The following PCMTD1 variants were observed in gnomAD, a reference collection of about 807,000 sequenced individuals.
The protein encoded by PCMTD1 is protein-L-isoaspartate O-methyltransferase domain-containing protein 1.
Under a neutral mutation model 37.6 loss-of-function variants are expected in PCMTD1, and 12 were observed. The observed-to-expected ratio is 0.32, with a 90% confidence interval of 0.20 to 0.52. The LOEUF (loss-of-function observed/expected upper bound fraction) is 0.52. Among genes scored for constraint, PCMTD1 ranks in the 20% least tolerant of loss-of-function variants. The probability of loss-of-function intolerance (pLI) is 0.97; values close to 1 mark genes in which losing one functional copy is unlikely to be tolerated. For missense variants in PCMTD1, 235 were observed against 421.3 expected (o/e 0.56, Z 3.87); for synonymous variants, 117 against 135.8 (o/e 0.86, Z 0.96).
At chr8:51,878,877 C>G (rs994628914) in intron 1 of PCMTD1, among the ~76,000 whole-genome samples, 1 of 152,192 alleles carries the variant, frequency 6.6e-6, no homozygotes, top group Non-Finnish European at 1.5e-5. Flanking sequence ...ATAATCCCAG[C>G]ACTTTGGGAG....
chr8:51,880,536 C>G (rs767498236), intron 1 of PCMTD1, among the ~76,000 whole-genome samples: 4 of 152,136 alleles, frequency 2.6e-5, no homozygotes, highest in Non-Finnish European at 5.9e-5. Flanking sequence ...TTCTCTACTC[C>G]CCAACTCATA....
rs1172825281 is a variant in PCMTD1, at chr8:51,878,743, T to C, written c.-95-17497A>G. Among the ~76,000 whole-genome samples, 4 of 152,310 alleles carry C rather than the reference T, an allele frequency of 2.6e-5. No homozygotes were observed. The East Asian group carries it at 7.7e-4, about 29-fold the overall frequency. On this transcript the variant is annotated intron_variant, in intron 1 of 5. Transcript: ENST00000522514. ...CAGCCTGGATGATAGAGTGAAACCC[T>C]GTCTCAAAAACAAATAAAGCCTAAG...
Position 51,867,338 on chromosome 8 carries a change from G to C in PCMTD1, c.-95-6092C>G, listed in dbSNP as rs1035722290. Among the ~76,000 whole-genome samples the C allele has an allele frequency of 7.2e-5, 11 of 152,026 alleles. No homozygotes were observed. In the East Asian group the frequency reaches 1.4e-3, roughly 19 times the overall value. On this transcript the variant is annotated intron_variant, in intron 1 of 5. Transcript: ENST00000522514. ...TGATCCAGTCAGTAATCCCACTTCT[G>C]AGTCTATATCCAAAAAGATTGAAAT...
intron 1 of PCMTD1, among the ~76,000 whole-genome samples, chr8:51,884,159 T>C (rs1056629808): frequency 5.9e-5 from 9 of 152,144 alleles, no homozygotes; most frequent in Non-Finnish European, 1.3e-4. Flanking sequence ...TCAGTTGAGA[T>C]TGAGACAGTG....
chr8:51,882,871 T>C (rs182815913), intron 1 of PCMTD1, among the ~76,000 whole-genome samples: 160 of 147,530 alleles, frequency 1.1e-3, no homozygotes, highest in African/African-American at 3.5e-3. Flanking sequence ...CTCACACCTA[T>C]AATCCCAGCA....
intron 1 of PCMTD1, among the ~76,000 whole-genome samples, chr8:51,890,333 T>A (rs1376157255): frequency 6.6e-6 from 1 of 152,240 alleles, no homozygotes; most frequent in East Asian, 1.9e-4. Context: ...AGGCTTTTCC[T>A]TGAAACTAAA....
chr8:51,831,054 T>C (rs867952849), intron 5 of PCMTD1, among the ~76,000 whole-genome samples: 3 of 151,854 alleles, frequency 2.0e-5, no homozygotes, highest in Non-Finnish European at 4.4e-5. Flanking sequence ...TCCCAGCACT[T>C]TGGGAGGCTG....
chr8:51,827,100 T>G, intron 5 of PCMTD1: 1 of 1,000,992 alleles, frequency 1.0e-6, no homozygotes, highest in Non-Finnish European at 1.2e-6. Flanking sequence ...TTAACTTACT[T>G]CTACACACCC....
chr8:51,879,546 CTA>C (rs1017000880), intron 1 of PCMTD1, among the ~76,000 whole-genome samples: 6 of 152,190 alleles, frequency 3.9e-5, no homozygotes, highest in African/African-American at 7.2e-5. Flanking sequence ...GAAAATGAAA[CTA>C]TGTGAAAACT....
At chr8:51,837,641 T>C (rs75990306) in intron 3 of PCMTD1, among the ~76,000 whole-genome samples, 17,881 of 152,148 alleles carry the variant, frequency 0.12, 1,284 homozygotes, top group East Asian at 0.16. Flanking sequence ...TCTCACTTTT[T>C]TTCAATCTGT....
chr8:51,853,074 T>C (rs117589056), intron 2 of PCMTD1, among the ~76,000 whole-genome samples: 2 of 152,224 alleles, frequency 1.3e-5, no homozygotes, highest in Non-Finnish European at 2.9e-5. Context: ...TGGATGTTAC[T>C]TGAAGAAAGA....
chr8:51,821,700 A>G (rs963497100), intron 5 of PCMTD1, among the ~76,000 whole-genome samples: 7 of 152,118 alleles, frequency 4.6e-5, no homozygotes, highest in African/African-American at 1.4e-4. Flanking sequence ...GAAAAAAATC[A>G]AAACGCCAAT....
chr8:51,886,148 G>A (rs1001086600), intron 1 of PCMTD1, among the ~76,000 whole-genome samples: 23 of 152,018 alleles, frequency 1.5e-4, no homozygotes, highest in Admixed American at 1.2e-3. Flanking sequence ...TGTTAATTTC[G>A]TCCCTTCCTC....
intron 1 of PCMTD1, among the ~76,000 whole-genome samples, chr8:51,892,951 T>C (rs4873617): frequency 2.0e-5 from 3 of 152,122 alleles, no homozygotes; most frequent in Non-Finnish European, 4.4e-5. Flanking sequence ...AGTTTATATA[T>C]TTTTTGTATC....
chr8:51,830,611 T>G (rs1158513293), intron 5 of PCMTD1, among the ~76,000 whole-genome samples: 1 of 152,132 alleles, frequency 6.6e-6, no homozygotes, highest in Non-Finnish European at 1.5e-5. Context: ...CTGCCTGCCT[T>G]TTTTTCCTAT....
At chr8:51,857,513 A>G (rs565667712) in intron 2 of PCMTD1, among the ~76,000 whole-genome samples, 2 of 152,316 alleles carry the variant, frequency 1.3e-5, no homozygotes, top group South Asian at 2.1e-4. Flanking sequence ...CTGATACTCC[A>G]TTCAGTTATG....
chr8:51,895,496 T>C (rs1021280280), intron 1 of PCMTD1, among the ~76,000 whole-genome samples: 4 of 152,234 alleles, frequency 2.6e-5, no homozygotes, highest in Non-Finnish European at 5.9e-5. Flanking sequence ...GCATGTCTTG[T>C]ATCAAGACAT....
In PCMTD1 at chr8:51,818,076, A is replaced by C; in HGVS notation, c.*2275T>G. ...TAAAGCGTAATTTTCCATATCAAGT[A>C]AACATAAATTCATTAAAAAATAAAC... On this transcript the variant is annotated 3_prime_UTR_variant, in exon 6 of 6. Transcript: ENST00000522514. The C allele has an allele frequency of 2.6e-6, 1 of 386,318 alleles. No homozygotes were observed. The highest frequency in any genetic ancestry group is 2.1e-5 in the African/African-American group (1 of 47,442). The allele number at this position is 386,318 out of a possible 1,614,324, so 23.9% of individuals were successfully genotyped here. A position where few individuals can be genotyped will look rare whatever the true frequency, so the allele number is the denominator to read the frequency against.
intron 1 of PCMTD1, among the ~76,000 whole-genome samples, chr8:51,869,029 G>C (rs2038601267): frequency 6.6e-6 from 1 of 151,836 alleles, no homozygotes; most frequent in African/African-American, 2.4e-5. Context: ...CCAGAAGTAT[G>C]ATATTCTACC....
Sources: allele counts gnomAD v4.1 joint callset (sites outside exome capture counted in the v4.1 genomes callset), GRCh38; gene constraint gnomAD v4.1.1; transcripts MANE v1.5; gene names NCBI Gene and HGNC (gene_info 2026-07-23, HGNC 2026-07-21).